The following CLVS1 variants were observed in gnomAD, a reference collection of about 807,000 sequenced individuals.
The protein encoded by CLVS1 is clavesin 1.
Under a neutral mutation model 33.1 loss-of-function variants are expected in CLVS1, and 10 were observed. That is an observed-to-expected ratio of 0.30 (90% CI 0.19 to 0.51). The LOEUF (loss-of-function observed/expected upper bound fraction) is 0.51, where lower values mean the gene tolerates loss of function less well. Among genes scored for constraint, CLVS1 ranks in the 20% least tolerant of loss-of-function variants. The pLI, the probability that CLVS1 is intolerant of heterozygous loss-of-function variation, is 0.97. For synonymous variants in CLVS1, 163 were observed against 166.1 expected (o/e 0.98, Z 0.14); for missense variants, 343 against 433.4 (o/e 0.79, Z 1.85).
chr8:61,250,009 G>T (rs547732377), intron 2 of CLVS1, among the ~76,000 whole-genome samples: 2 of 152,214 alleles, frequency 1.3e-5, no homozygotes, highest in African/African-American at 2.4e-5. Context: ...GTCCTGTAGG[G>T]TATTGCCCAG....
chr8:61,317,632 A>G (rs1405964191), intron 2 of CLVS1, among the ~76,000 whole-genome samples: 1 of 152,178 alleles, frequency 6.6e-6, no homozygotes, highest in Non-Finnish European at 1.5e-5. Flanking sequence ...CTGAACAAGT[A>G]TTACTTTTTT....
At chr8:61,442,097 C>T (rs1378154483) in intron 3 of CLVS1, among the ~76,000 whole-genome samples, 2 of 152,174 alleles carry the variant, frequency 1.3e-5, no homozygotes. Flanking sequence ...CCCACCTACT[C>T]AGCCCCTGGC....
intron 3 of CLVS1, among the ~76,000 whole-genome samples, chr8:61,437,647 A>ATACT (rs1457303010): frequency 6.6e-6 from 1 of 152,236 alleles, no homozygotes; most frequent in African/African-American, 2.4e-5. Context: ...ATTACTAAGA[A>ATACT]TACTTGTTCA....
intron 2 of CLVS1, among the ~76,000 whole-genome samples, chr8:61,149,100 C>A (rs766012607): frequency 6.6e-6 from 1 of 152,024 alleles, no homozygotes; most frequent in Non-Finnish European, 1.5e-5. Context: ...TAAAAAAAAT[C>A]CACTAAAATA....
At chr8:60,987,676 A>G in the CLVS1 span, among the ~76,000 whole-genome samples, 3 of 152,222 alleles carry the variant, frequency 2.0e-5, no homozygotes, top group Non-Finnish European at 4.4e-5. Context: ...TGAGATACTG[A>G]TATCAGGCAC....
intron 3 of CLVS1, among the ~76,000 whole-genome samples, chr8:61,439,708 TTGTC>T (rs1223413203): frequency 6.6e-6 from 1 of 152,238 alleles, no homozygotes; most frequent in African/African-American, 2.4e-5. Context: ...TATAGTCACA[TTGTC>T]TGTTGCCTTG....
chr8:61,333,620 G>C (rs1425314551), intron 2 of CLVS1, among the ~76,000 whole-genome samples: 2 of 152,196 alleles, frequency 1.3e-5, no homozygotes, highest in Non-Finnish European at 1.5e-5. Flanking sequence ...AGAGCAAGTA[G>C]AGGACAGGAA....
At chr8:61,240,237 C>G (rs145934853) in intron 2 of CLVS1, among the ~76,000 whole-genome samples, 1 of 152,204 alleles carries the variant, frequency 6.6e-6, no homozygotes, top group East Asian at 1.9e-4. Context: ...GCATGCATCA[C>G]TAGACCTGGT....
the CLVS1 span, among the ~76,000 whole-genome samples, chr8:61,027,911 G>A: frequency 2.0e-5 from 3 of 152,154 alleles, no homozygotes; most frequent in Non-Finnish European, 4.4e-5. Context: ...ACATGATTTT[G>A]TTTATTGGTG....
At chr8:61,327,014 AGGC>A (rs1811408906) in intron 2 of CLVS1, among the ~76,000 whole-genome samples, 1 of 152,226 alleles carries the variant, frequency 6.6e-6, no homozygotes, top group East Asian at 1.9e-4. Context: ...TATAATATTC[AGGC>A]TATCATTAAG....
At chr8:61,069,683 A>C (rs1166533051) in intron 1 of CLVS1, among the ~76,000 whole-genome samples, 1 of 152,116 alleles carries the variant, frequency 6.6e-6, no homozygotes, top group Non-Finnish European at 1.5e-5. Context: ...CACTGTCAAC[A>C]TCTGCCCCAT....
chr8:61,345,697 TACTC>T (rs1025021679), intron 2 of CLVS1, among the ~76,000 whole-genome samples: 5 of 151,458 alleles, frequency 3.3e-5, no homozygotes, highest in South Asian at 2.1e-4. Flanking sequence ...GTGTTGCTAT[TACTC>T]AGTTGTTTTA....
intron 2 of CLVS1, among the ~76,000 whole-genome samples, chr8:61,310,776 G>A (rs1810804140): frequency 6.6e-6 from 1 of 152,330 alleles, no homozygotes; most frequent in East Asian, 1.9e-4. Context: ...TGCTTGAAAT[G>A]TTTTACAAAA....
chr8:61,261,667 C>T (rs1250749269), intron 2 of CLVS1, among the ~76,000 whole-genome samples: 1 of 152,178 alleles, frequency 6.6e-6, no homozygotes, highest in Non-Finnish European at 1.5e-5. Flanking sequence ...CCCCAAATAG[C>T]TCCCTGGTCC....
intron 2 of CLVS1, among the ~76,000 whole-genome samples, chr8:61,152,611 C>T (rs369029953): frequency 6.6e-5 from 10 of 152,258 alleles, no homozygotes; most frequent in African/African-American, 1.4e-4. Flanking sequence ...AGCTAGGTCC[C>T]GTCCCTTCAG....
chr8:61,294,060 T>C (rs186357700), intron 1 of CLVS1, among the ~76,000 whole-genome samples: 75 of 152,272 alleles, frequency 4.9e-4, no homozygotes, highest in African/African-American at 1.7e-3. Flanking sequence ...GACAACAATA[T>C]TCTATTTCCT....
At chr8:61,206,791 G>C (rs1018399287) in intron 2 of CLVS1, among the ~76,000 whole-genome samples, 12 of 152,072 alleles carry the variant, frequency 7.9e-5, no homozygotes, top group African/African-American at 2.9e-4. Flanking sequence ...GTTTCACCTT[G>C]TTAGCCAGGA....
intron 2 of CLVS1, among the ~76,000 whole-genome samples, chr8:61,324,601 T>G (rs1459871737): frequency 1.3e-5 from 2 of 151,994 alleles, no homozygotes; most frequent in African/African-American, 4.8e-5. Flanking sequence ...GTTGGAACAG[T>G]TTGGAGGGCT....
intron 2 of CLVS1, among the ~76,000 whole-genome samples, chr8:61,349,367 A>T (rs1465661219): frequency 1.3e-5 from 2 of 152,138 alleles, no homozygotes; most frequent in Non-Finnish European, 2.9e-5. Context: ...AAAGAAAAAA[A>T]TGAAAAGCTA....
Sources: gnomAD v4.1 joint callset for allele counts (sites outside exome capture counted in the v4.1 genomes callset) on GRCh38, gnomAD v4.1.1 for gene constraint, MANE v1.5 for transcripts, NCBI Gene and HGNC (gene_info 2026-07-23, HGNC 2026-07-21) for gene names.